The following NEMP2 variants were observed in gnomAD, a reference collection of about 807,000 sequenced individuals.
NEMP2 encodes UPF0571 transmembrane protein.
NEMP2 carries 53 observed loss-of-function variants against 54.2 expected under a neutral mutation model. The observed-to-expected ratio is 0.98, with a 90% confidence interval of 0.78 to 1.23. The LOEUF (loss-of-function observed/expected upper bound fraction) is 1.23, where lower values mean the gene tolerates loss of function less well. Ranked by LOEUF, NEMP2 falls within the 50% of genes most tolerant of loss-of-function variation. The pLI, the probability that NEMP2 is intolerant of heterozygous loss-of-function variation, is 0.00. For synonymous variants in NEMP2, 197 were observed against 190.3 expected (o/e 1.04, Z -0.29); for missense variants, 455 against 511.3 (o/e 0.89, Z 1.06).
At chr2:190,578,631 T>A in the NEMP2 span, among the ~76,000 whole-genome samples, 1 of 152,128 alleles carries the variant, frequency 6.6e-6, no homozygotes, top group African/African-American at 2.4e-5. This position sits in a 1 kb window ranked among gnomAD's most constrained non-coding sequence, Gnocchi z 4.4. Flanking sequence ...CTGTACTGCC[T>A]GGGCGTGTAT....
At chr2:190,645,733 T>G in the NEMP2 span, among the ~76,000 whole-genome samples, 1 of 152,254 alleles carries the variant, frequency 6.6e-6, no homozygotes, top group Non-Finnish European at 1.5e-5. Flanking sequence ...ACATGAAATG[T>G]GATTTTCCAT....
chr2:190,556,757 A>G, the NEMP2 span, among the ~76,000 whole-genome samples: 1 of 152,182 alleles, frequency 6.6e-6, no homozygotes, highest in Admixed American at 6.5e-5. Flanking sequence ...ACCTAGGAAT[A>G]CAACTTACAA....
downstream of NEMP2, among the ~76,000 whole-genome samples, chr2:190,499,647 C>T (rs1357626048): frequency 2.6e-5 from 4 of 152,226 alleles, no homozygotes; most frequent in Admixed American, 6.5e-5. This position sits in a 1 kb window ranked among gnomAD's most constrained non-coding sequence, Gnocchi z 6.0. Context: ...TCTTAGCAAG[C>T]GGCCTGAGTT....
At chr2:190,590,015 C>T in the NEMP2 span, among the ~76,000 whole-genome samples, 1 of 152,316 alleles carries the variant, frequency 6.6e-6, no homozygotes, top group East Asian at 1.9e-4. The surrounding 1 kb of genome is among the most constrained non-coding windows in gnomAD (Gnocchi z 5.1). Flanking sequence ...GCCATCATTG[C>T]TGCCTGGGTC....
the NEMP2 span, chr2:190,454,331 T>C: frequency 6.6e-6 from 1 of 152,096 alleles, no homozygotes; most frequent in East Asian, 1.9e-4. The surrounding 1 kb of genome is among the most constrained non-coding windows in gnomAD (Gnocchi z 4.6). Context: ...AAGAAGCATT[T>C]TTCTATGGAC....
the NEMP2 span, among the ~76,000 whole-genome samples, chr2:190,474,821 A>C: frequency 6.6e-6 from 1 of 152,190 alleles, no homozygotes; most frequent in Non-Finnish European, 1.5e-5. Flanking sequence ...TCCTCAATAA[A>C]ATACTGGCAA....
At chr2:190,532,110 G>C (rs1468821516) in intron 1 of NEMP2, among the ~76,000 whole-genome samples, 1 of 152,138 alleles carries the variant, frequency 6.6e-6, no homozygotes, top group Non-Finnish European at 1.5e-5. Context: ...GAGAAGAGTA[G>C]GAAACACAAA....
chr2:190,608,231 A>G, the NEMP2 span: 1 of 152,150 alleles, frequency 6.6e-6, no homozygotes, highest in Non-Finnish European at 1.5e-5. The surrounding 1 kb of genome is among the most constrained non-coding windows in gnomAD (Gnocchi z 4.9). Context: ...TCCTTATTTT[A>G]CTTAATAATG....
chr2:190,603,229 T>C, the NEMP2 span, among the ~76,000 whole-genome samples: 1 of 152,026 alleles, frequency 6.6e-6, no homozygotes, highest in Non-Finnish European at 1.5e-5. Context: ...GCAATGAATT[T>C]TTTCCTGTGC....
chr2:190,454,930 C>CTATA, the NEMP2 span, among the ~76,000 whole-genome samples: 2 of 120,550 alleles, frequency 1.7e-5, no homozygotes, highest in Non-Finnish European at 3.2e-5. This position sits in a 1 kb window ranked among gnomAD's most constrained non-coding sequence, Gnocchi z 4.6. Context: ...TTCCTGGTTT[C>CTATA]TGTATGTATA....
At chr2:190,620,262 G>A in the NEMP2 span, 1 of 152,040 alleles carries the variant, frequency 6.6e-6, no homozygotes, top group Non-Finnish European at 1.5e-5. This position sits in a 1 kb window ranked among gnomAD's most constrained non-coding sequence, Gnocchi z 4.9. Context: ...CAAACATATT[G>A]CATACTACAA....
At chr2:190,643,295 G>A in the NEMP2 span, among the ~76,000 whole-genome samples, 1 of 152,160 alleles carries the variant, frequency 6.6e-6, no homozygotes, top group Non-Finnish European at 1.5e-5. Context: ...GGGAGTTAGG[G>A]AAAGCAGAAG....
At chr2:190,543,649 A>AT in the NEMP2 span, among the ~76,000 whole-genome samples, 35 of 152,250 alleles carry the variant, frequency 2.3e-4, no homozygotes, top group Non-Finnish European at 4.0e-4. The surrounding 1 kb of genome is among the most constrained non-coding windows in gnomAD (Gnocchi z 4.7). Flanking sequence ...TCATCCTCCT[A>AT]TTGGAGTTCA....
the NEMP2 span, among the ~76,000 whole-genome samples, chr2:190,639,638 T>TG: frequency 6.7e-6 from 1 of 150,374 alleles, no homozygotes; most frequent in African/African-American, 2.4e-5. Flanking sequence ...ATTGTTGAGT[T>TG]TTTTTTTTTT....
chr2:190,646,178 ACAC>A, the NEMP2 span, among the ~76,000 whole-genome samples: 1 of 152,264 alleles, frequency 6.6e-6, no homozygotes, highest in Non-Finnish European at 1.5e-5. Context: ...GCACATTCTT[ACAC>A]CTGTCTGGGA....
the NEMP2 span, among the ~76,000 whole-genome samples, chr2:190,554,749 C>T: frequency 1.3e-5 from 2 of 152,354 alleles, no homozygotes; most frequent in African/African-American, 2.4e-5. The surrounding 1 kb of genome is among the most constrained non-coding windows in gnomAD (Gnocchi z 5.7). Flanking sequence ...ACTTAAACGT[C>T]CCTGCCTGGC....
the NEMP2 span, among the ~76,000 whole-genome samples, chr2:190,604,985 G>A: frequency 1.3e-5 from 2 of 151,942 alleles, no homozygotes; most frequent in African/African-American, 4.8e-5. This position sits in a 1 kb window ranked among gnomAD's most constrained non-coding sequence, Gnocchi z 4.5. Flanking sequence ...CCTTTTTCAT[G>A]CTCTCCTGTT....
chr2:190,475,429 A>G, the NEMP2 span, among the ~76,000 whole-genome samples: 1 of 152,300 alleles, frequency 6.6e-6, no homozygotes, highest in South Asian at 2.1e-4. Context: ...TAACAGCCAA[A>G]CACCCAAATC....
At chr2:190,468,100 G>C in the NEMP2 span, among the ~76,000 whole-genome samples, 2 of 152,254 alleles carry the variant, frequency 1.3e-5, no homozygotes, top group Admixed American at 6.5e-5. Flanking sequence ...TTAATTTCCT[G>C]TGGCTTTTTT....
Sources: gnomAD v4.1 joint callset for allele counts (sites outside exome capture counted in the v4.1 genomes callset) on GRCh38, gnomAD v4.1.1 for gene constraint, Gnocchi (gnomAD v3.1) non-coding constraint, MANE v1.5 for transcripts, NCBI Gene and HGNC (gene_info 2026-07-23, HGNC 2026-07-21) for gene names.